Variants in PIK3R3 observed in about 807,000 individuals in gnomAD.
PIK3R3 encodes phosphatidylinositol 3-kinase regulatory subunit gamma.
PIK3R3 carries 64 observed loss-of-function variants against 62.9 expected under a neutral mutation model. That is an observed-to-expected ratio of 1.02 (90% CI 0.83 to 1.25). The LOEUF (loss-of-function observed/expected upper bound fraction) is 1.25. Among genes scored for constraint, PIK3R3 ranks in the 50% most tolerant of loss-of-function variants. The pLI is 0.00. For synonymous variants in PIK3R3, 165 were observed against 189.0 expected (o/e 0.87, Z 1.04); for missense variants, 614 against 561.6 (o/e 1.09, Z -0.94).
At chr1:46,171,526 T>C in the PIK3R3 span, among the ~76,000 whole-genome samples, 3 of 152,024 alleles carry the variant, frequency 2.0e-5, no homozygotes, top group Non-Finnish European at 2.9e-5. Context: ...GGGGTGTGGG[T>C]GAGGGCACTG....
At chr1:46,077,483 G>C in intron 3 of PIK3R3, 32 bp downstream of exon 3, 5 of 1,123,018 alleles carry the variant, frequency 4.5e-6, no homozygotes, top group Non-Finnish European at 6.8e-6. Flanking sequence ...AACATCAGTA[G>C]AGAACTAGCC....
At chr1:46,075,906 T>C (rs900117358) in intron 3 of PIK3R3, among the ~76,000 whole-genome samples, 2 of 152,124 alleles carry the variant, frequency 1.3e-5, no homozygotes, top group African/African-American at 2.4e-5. Flanking sequence ...TGAGAACCCA[T>C]AGGGGGTGAG....
chr1:46,089,012 C>T (rs1651353375), intron 1 of PIK3R3, among the ~76,000 whole-genome samples: 1 of 152,094 alleles, frequency 6.6e-6, no homozygotes, highest in African/African-American at 2.4e-5. Flanking sequence ...AATGATATAT[C>T]CTGCCAAATT....
At chr1:46,075,458 TAAAAA>T (rs1445793409) in intron 3 of PIK3R3, among the ~76,000 whole-genome samples, 1 of 151,786 alleles carries the variant, frequency 6.6e-6, no homozygotes, top group African/African-American at 2.4e-5. Context: ...CTACAAAAAA[TAAAAA>T]ACACAAAAAC....
chr1:46,151,837 C>T, the PIK3R3 span, among the ~76,000 whole-genome samples: 2 of 152,180 alleles, frequency 1.3e-5, no homozygotes, highest in African/African-American at 4.8e-5. Flanking sequence ...TCATTGGAGT[C>T]CTTGCTGGGT....
chr1:46,135,846 G>A (rs997003780), upstream of PIK3R3, among the ~76,000 whole-genome samples: 4 of 151,906 alleles, frequency 2.6e-5, no homozygotes, highest in Admixed American at 6.6e-5. Flanking sequence ...CCTGGCCCAC[G>A]TGGTGAAACT....
intron 1 of PIK3R3, among the ~76,000 whole-genome samples, chr1:46,127,366 T>C (rs1167360011): frequency 6.8e-6 from 1 of 147,070 alleles, no homozygotes; most frequent in Non-Finnish European, 1.5e-5. Flanking sequence ...AATATATATA[T>C]ATATACATAA....
Position 46,079,712 on chromosome 1 carries a change from G to GTA in PIK3R3, c.215+929_215+930insTA, listed in dbSNP as rs1292647197. 5.5e-4 allele frequency among the ~76,000 whole-genome samples: 83 copies of GTA among 152,228 alleles called. No homozygotes were observed. The East Asian group carries it at 0.013, about 24-fold the overall frequency. ...CTTACACCTGTAATCCCAGCACTTT[G>GTA]GGAGGCCAAGGTAGGTGGATCACCT... On this transcript the variant is annotated intron_variant, in intron 2 of 9. Transcript: ENST00000262741.
the PIK3R3 span, among the ~76,000 whole-genome samples, chr1:46,170,959 C>T: frequency 6.6e-6 from 1 of 152,358 alleles, no homozygotes; most frequent in African/African-American, 2.4e-5. Flanking sequence ...TTTTACCATG[C>T]TGGAATTCTG....
At chr1:46,063,509 T>C (rs1648709537) in intron 5 of PIK3R3, among the ~76,000 whole-genome samples, 1 of 152,226 alleles carries the variant, frequency 6.6e-6, no homozygotes, top group Admixed American at 6.5e-5. Context: ...TATAAAGTTC[T>C]GGCCCTGGAT....
intron 1 of PIK3R3, among the ~76,000 whole-genome samples, chr1:46,089,356 G>C (rs1226480102): frequency 6.6e-6 from 1 of 152,140 alleles, no homozygotes; most frequent in East Asian, 1.9e-4. Context: ...ATACTGTGAT[G>C]AATTTTATGG....
At chr1:46,118,658 C>T (rs917005423) in intron 1 of PIK3R3, among the ~76,000 whole-genome samples, 1 of 150,926 alleles carries the variant, frequency 6.6e-6, no homozygotes, top group Non-Finnish European at 1.5e-5. Context: ...CGGGTTCAAG[C>T]GATTCTGCTG....
Position 46,132,626 on chromosome 1 carries a change from G to A in PIK3R3, c.-674C>T, listed in dbSNP as rs1170298868. On this transcript the variant is annotated 5_prime_UTR_variant, in exon 1 of 10. Coordinates refer to ENST00000262741, the MANE Select transcript of PIK3R3 (RefSeq NM_003629.4). Reference sequence around the variant, plus strand: ...ACCGCACCAACTGCCCTCAAGCTCTGCCCGGACTCCAGCCACTAGAGTTTC... The same window carrying A: ...ACCGCACCAACTGCCCTCAAGCTCTACCCGGACTCCAGCCACTAGAGTTTC... 3.9e-6 allele frequency: 5 copies of A among 1,289,688 alleles called. No homozygotes were observed. The highest frequency in any genetic ancestry group is 4.6e-5 in the Admixed American group (2 of 43,566). 79.9% of individuals were successfully genotyped at this position (1,289,688 alleles called of 1,614,324 possible).
intron 1 of PIK3R3, among the ~76,000 whole-genome samples, chr1:46,127,028 C>T (rs1359351650): frequency 2.0e-5 from 3 of 151,876 alleles, no homozygotes; most frequent in Non-Finnish European, 2.9e-5. Flanking sequence ...AAGGAAGAGA[C>T]GTTGCTGCCC....
At chr1:46,148,804 GA>G in the PIK3R3 span, among the ~76,000 whole-genome samples, 3,163 of 146,560 alleles carry the variant, frequency 0.022, 110 homozygotes, top group African/African-American at 0.072. Flanking sequence ...ATATATAAAT[GA>G]AAAAAAAATG....
Position 46,055,812 on chromosome 1 carries a change from GATCTT to G in PIK3R3, c.919_923del (p.Lys307ProfsTer25), listed in dbSNP as rs1251850926. ...CTACTTACACAAGGTGTTGATCTCG[GATCTT>G]TCGCAGCTGGATCAGGTCAGGTTTG... On this transcript the variant is annotated frameshift_variant, in exon 7 of 10. Coordinates refer to ENST00000262741, the MANE Select transcript of PIK3R3 (RefSeq NM_003629.4). LOFTEE classifies it high-confidence loss of function. 1.9e-6 allele frequency: 3 copies of G among 1,562,308 alleles called. No individual in the cohort carries two copies. Among genetic ancestry groups the G allele is most frequent in the African/African-American group, 1.5e-5 (1 of 67,858 alleles).
At chr1:46,169,617 G>A in the PIK3R3 span, among the ~76,000 whole-genome samples, 130 of 152,278 alleles carry the variant, frequency 8.5e-4, no homozygotes, top group Non-Finnish European at 1.6e-3. Context: ...CACACAGCAG[G>A]TATAAGTAGG....
At chr1:46,147,129 T>G in the PIK3R3 span, among the ~76,000 whole-genome samples, 2 of 152,142 alleles carry the variant, frequency 1.3e-5, no homozygotes, top group African/African-American at 4.8e-5. Context: ...TTTTTTGAGA[T>G]GGAATCACGC....
intron 1 of PIK3R3, among the ~76,000 whole-genome samples, chr1:46,084,209 T>C (rs1557593269): frequency 6.6e-6 from 1 of 152,102 alleles, no homozygotes; most frequent in Non-Finnish European, 1.5e-5. Context: ...AATAGGCAAA[T>C]CTATAGAGAC....
Sources: gnomAD v4.1 joint callset for allele counts (sites outside exome capture counted in the v4.1 genomes callset) on GRCh38, gnomAD v4.1.1 for gene constraint, MANE v1.5 for transcripts, NCBI Gene and HGNC (gene_info 2026-07-23, HGNC 2026-07-21) for gene names.